Variants in SFTPD observed in about 807,000 individuals in gnomAD.
SFTPD encodes the protein surfactant protein D, also known as pulmonary surfactant-associated protein D.
Under a neutral mutation model 34.6 loss-of-function variants are expected in SFTPD, and 18 were observed. The ratio of observed to expected loss-of-function variants is 0.52; its 90% CI spans 0.36 to 0.77. The LOEUF (loss-of-function observed/expected upper bound fraction) is 0.77. Among genes scored for constraint, SFTPD ranks in the 30% least tolerant of loss-of-function variants. The probability of loss-of-function intolerance (pLI) is 0.00; values close to 1 mark genes in which losing one functional copy is unlikely to be tolerated. For synonymous variants in SFTPD, 155 were observed against 180.9 expected, an observed-to-expected ratio of 0.86 and a Z score of 1.15; for missense variants, 433 against 468.9, an observed-to-expected ratio of 0.92 and a Z score of 0.71.
chr10:79,961,054 C>T (rs991872244), intron 1 of SFTPD, among the ~76,000 whole-genome samples: 1 of 152,172 alleles, frequency 6.6e-6, no homozygotes, highest in African/African-American at 2.4e-5. Flanking sequence ...GAAAGGATTC[C>T]CTATTTAATA....
intron 1 of SFTPD, chr10:79,968,371 G>A (rs1440766874): frequency 6.6e-6 from 1 of 152,116 alleles, no homozygotes; most frequent in African/African-American, 2.4e-5. Flanking sequence ...TTATGTCCAT[G>A]AGTATCCAAT....
At chr10:79,980,147 T>G (rs1180236221) in intron 1 of SFTPD, among the ~76,000 whole-genome samples, 1 of 152,200 alleles carries the variant, frequency 6.6e-6, no homozygotes, top group Non-Finnish European at 1.5e-5. Context: ...CCATGGATTT[T>G]GGATGAGACT....
At chr10:79,943,801 G>A (rs1287352049) in intron 2 of SFTPD, among the ~76,000 whole-genome samples, 1 of 152,210 alleles carries the variant, frequency 6.6e-6, no homozygotes, top group Non-Finnish European at 1.5e-5. Context: ...AGGGTTATAG[G>A]ATGGGCCCCA....
chr10:79,971,742 T>C (rs956575668), intron 1 of SFTPD: 1 of 152,240 alleles, frequency 6.6e-6, no homozygotes, highest in Non-Finnish European at 1.5e-5. Flanking sequence ...TGTGACTTTA[T>C]GCTTTTCTCT....
chr10:79,941,277 C>A (rs1311998163), intron 6 of SFTPD, 121 bp downstream of exon 6: 1 of 851,170 alleles, frequency 1.2e-6, no homozygotes, highest in Non-Finnish European at 1.9e-6. Context: ...CTGAGTTCCA[C>A]CCACCAGCTG....
intron 2 of SFTPD, among the ~76,000 whole-genome samples, chr10:79,945,206 G>A (rs1352461524): frequency 7.2e-5 from 11 of 152,166 alleles, no homozygotes; most frequent in Admixed American, 7.2e-4. Flanking sequence ...CAGGGCCATT[G>A]TGGGAAAGAT....
chr10:79,941,198 C>T (rs1370491035), intron 6 of SFTPD, among the ~76,000 whole-genome samples, 200 bp downstream of exon 6: 2 of 152,202 alleles, frequency 1.3e-5, no homozygotes, highest in Non-Finnish European at 1.5e-5. Context: ...GCCCAGGTTG[C>T]TTTCCCATGA....
intron 1 of SFTPD, chr10:79,968,549 A>T (rs1842817222): frequency 6.6e-6 from 1 of 152,144 alleles, no homozygotes; most frequent in Non-Finnish European, 1.5e-5. Context: ...CCACAGTTTC[A>T]TTATCCGGTC....
chr10:79,950,190 G>A (rs1236827042), upstream of SFTPD: 1 of 152,072 alleles, frequency 6.6e-6, no homozygotes, highest in Non-Finnish European at 1.5e-5. Context: ...TATTATCAAG[G>A]TTAATATTGA....
At chr10:79,969,313 A>G (rs1164967533) in intron 1 of SFTPD, 1 of 152,116 alleles carries the variant, frequency 6.6e-6, no homozygotes, top group Non-Finnish European at 1.5e-5. Flanking sequence ...GTCTCTACTA[A>G]ATATACAAAA....
intron 1 of SFTPD, among the ~76,000 whole-genome samples, chr10:79,978,327 T>C (rs1589345137): frequency 6.6e-6 from 1 of 152,174 alleles, no homozygotes; most frequent in Admixed American, 6.5e-5. Flanking sequence ...AAACATTCTT[T>C]CATCATAAGA....
At chr10:79,977,930 C>A (rs1316454099) in intron 1 of SFTPD, among the ~76,000 whole-genome samples, 1 of 152,222 alleles carries the variant, frequency 6.6e-6, no homozygotes, top group Non-Finnish European at 1.5e-5. Flanking sequence ...TCCAGCACCA[C>A]CCTTCTCCCA....
At chr10:79,965,075 A>G (rs940697714) in intron 1 of SFTPD, among the ~76,000 whole-genome samples, 2 of 152,170 alleles carry the variant, frequency 1.3e-5, no homozygotes, top group African/African-American at 4.8e-5. Context: ...GAAAGGTAGA[A>G]TGGACTAATG....
rs552958671 is a variant in SFTPD at position 79,938,194 on chromosome 10, C to G, written c.786G>C (p.Glu262Asp). 4.4e-6 allele frequency: 7 copies of G among 1,599,542 alleles called. No individual in the cohort carries two copies. The African/African-American group carries it at 8.0e-5, about 18-fold the overall frequency. Reference protein sequence around the residue: ...ELFPNGQSVGEKIFKTAGFVK... With the variant: ...ELFPNGQSVGDKIFKTAGFVK... Reference sequence around the variant, plus strand: ...CAAAGCCTGCTGTCTTGAAAATCTTCTCCCCGACACTTTGGCCATTTGGGA... The same window carrying G: ...CAAAGCCTGCTGTCTTGAAAATCTTGTCCCCGACACTTTGGCCATTTGGGA... Residue 262 changes from glutamate (E) to aspartate (D), a missense_variant, in exon 8 of 8, where the codon GAG becomes GAC. Coordinates refer to ENST00000372292, the MANE Select transcript of SFTPD (RefSeq NM_003019.5).
chr10:79,942,956 A>C, intron 2 of SFTPD, 77 bp from the exon 3 acceptor site: 1 of 909,050 alleles, frequency 1.1e-6, no homozygotes, highest in Non-Finnish European at 1.8e-6. Flanking sequence ...ATCAGCCCCT[A>C]GCATTCCTTT....
chr10:79,942,692 G>A (rs536158232), intron 3 of SFTPD, 71 bp downstream of exon 3: 112 of 1,121,496 alleles, frequency 1.0e-4, no homozygotes, highest in South Asian at 5.0e-4. Flanking sequence ...GGCTCTGTGC[G>A]TGCCCACTGG....
chr10:79,960,898 C>A (rs1490426065), intron 1 of SFTPD, among the ~76,000 whole-genome samples: 1 of 151,698 alleles, frequency 6.6e-6, no homozygotes, highest in African/African-American at 2.4e-5. Flanking sequence ...TCAAACTATA[C>A]TACAAGGCTA....
intron 6 of SFTPD, 35 bp from the exon 7 acceptor site, chr10:79,940,823 C>T (rs1421169019): frequency 3.5e-6 from 5 of 1,421,234 alleles, no homozygotes; most frequent in Non-Finnish European, 5.0e-6. Context: ...AAAGACTTGT[C>T]CAGAGAGCGA....
upstream of SFTPD, among the ~76,000 whole-genome samples, chr10:79,952,567 G>A (rs561428143): frequency 3.3e-5 from 5 of 152,250 alleles, no homozygotes; most frequent in South Asian, 6.2e-4. Flanking sequence ...AAAGGAGTAC[G>A]TTGGCACAGA....
Sources: allele counts gnomAD v4.1 joint callset (sites outside exome capture counted in the v4.1 genomes callset), GRCh38; gene constraint gnomAD v4.1.1; transcripts MANE v1.5; gene names NCBI Gene and HGNC (gene_info 2026-07-23, HGNC 2026-07-21).